MSANTD2: variants seen among roughly 807,000 people sequenced by gnomAD.
MSANTD2 encodes Myb/SANT DNA binding domain containing 2.
Under a neutral mutation model 52.6 loss-of-function variants are expected in MSANTD2, and 19 were observed. The observed-to-expected ratio is 0.36, with a 90% CI of 0.25 to 0.53. The LOEUF is 0.53. MSANTD2 is among the 20% of genes least tolerant of loss of function. MSANTD2 has a pLI of 0.91. For missense variants in MSANTD2, 558 were observed against 716.3 expected (o/e 0.78, Z 2.52); for synonymous variants, 291 against 289.7 (o/e 1.00, Z -0.04).
intron 3 of MSANTD2, among the ~76,000 whole-genome samples, chr11:124,769,506 A>C (rs752916163): frequency 1.3e-5 from 2 of 152,208 alleles, no homozygotes; most frequent in Non-Finnish European, 2.9e-5. Flanking sequence ...GATGCTTTAA[A>C]GGAAAATTAT....
chr11:124,768,007 A>T lies in MSANTD2; in HGVS notation c.849T>A (p.Asn283Lys), dbSNP rs1206784276. The T allele has an allele frequency of 6.2e-7, 1 of 1,604,940 alleles. No individual in the cohort carries two copies. Among genetic ancestry groups the T allele is most frequent in the East Asian group, 2.2e-5 (1 of 44,692 alleles). ...GTACCGATTCCAAAATCTGTACAAT[A>T]TTCTGCATGATGTCTCTCTTCCTGG... ...EEAQKRDIMQ[N>K]IVQILESVQL... The change falls in exon 4 of 4, where the codon AAT becomes AAA. Residue 283 changes from asparagine to lysine, a missense_variant. This residue lies in a region of MSANTD2 where 408 missense variants were observed against 573.6 expected (regional missense o/e 0.71). Coordinates refer to ENST00000374979, the MANE Select transcript of MSANTD2 (RefSeq NM_001308027.2).
At position 124,800,386 on chromosome 11, in the gene MSANTD2, A is replaced by G. The variant is rs558723161; in HGVS notation, c.-6T>C. 2.0e-6 allele frequency: 3 copies of G among 1,504,230 alleles called. No homozygotes were observed. In the South Asian group the frequency reaches 3.9e-5, roughly 20 times the overall value. The allele number at this position is 1,504,230 out of a possible 1,614,324, so 93.2% of individuals were successfully genotyped here. A position where few individuals can be genotyped will look rare whatever the true frequency, so the allele number is the denominator to read the frequency against. ...GAGCCACAGGGCGCAGCCATCTTCC[A>G]AGCGGCCGCCGCTGCACCGCCCGGA... is the stretch of plus-strand genomic sequence containing the variant. On this transcript the variant is annotated 5_prime_UTR_variant, in exon 1 of 4. Coordinates refer to ENST00000374979, the MANE Select transcript of MSANTD2 (RefSeq NM_001308027.2). The surrounding 1 kb of genome is among the most constrained non-coding windows in gnomAD (Gnocchi z 4.3).
At chr11:124,769,522 A>C (rs1944424134) in intron 3 of MSANTD2, among the ~76,000 whole-genome samples, 1 of 152,216 alleles carries the variant, frequency 6.6e-6, no homozygotes, top group African/African-American at 2.4e-5. Context: ...ATTATCTTTC[A>C]TAGCTACCAT....
intron 3 of MSANTD2, among the ~76,000 whole-genome samples, chr11:124,771,040 G>T (rs1234319799): frequency 1.3e-5 from 2 of 151,998 alleles, no homozygotes; most frequent in African/African-American, 4.8e-5. Flanking sequence ...CCTAATTTTT[G>T]TATTTTTAGT....
In MSANTD2 at chr11:124,800,261, G is replaced by A. The variant is rs550843206; in HGVS notation, c.120C>T (p.Asp40=). The A allele has an allele frequency of 1.0e-4, 159 of 1,566,352 alleles. 5 individuals carry two copies. In the South Asian group the frequency reaches 1.6e-3, roughly 16 times the overall value. The change falls in exon 1 of 4, where the codon GAC becomes GAT. Residue 40 remains aspartate, a synonymous_variant. Transcript: ENST00000374979. The surrounding 1 kb of genome is among the most constrained non-coding windows in gnomAD (Gnocchi z 4.3). ...GLSDGNPSLS[D]PSTPRGASPL... The stretch of plus-strand genomic sequence containing the variant: ...GGGAGGCACCCCGAGGCGTGGAAGG[G>A]TCGGACAGCGATGGATTTCCGTCGC...
intron 1 of MSANTD2, chr11:124,790,639 A>T (rs1015472304): frequency 1.3e-5 from 2 of 152,200 alleles, no homozygotes; most frequent in African/African-American, 4.8e-5. Flanking sequence ...TACTCTTTTG[A>T]TTCTCCATAT....
At chr11:124,793,992 C>T (rs547772086) in intron 1 of MSANTD2, among the ~76,000 whole-genome samples, 2 of 152,104 alleles carry the variant, frequency 1.3e-5, no homozygotes, top group African/African-American at 4.8e-5. Flanking sequence ...CTCACATATG[C>T]CTATTTATAA....
At chr11:124,787,717 T>A (rs937804813) in intron 1 of MSANTD2, among the ~76,000 whole-genome samples, 4 of 152,224 alleles carry the variant, frequency 2.6e-5, no homozygotes, top group African/African-American at 9.6e-5. Context: ...AAAATAAACA[T>A]CTTTTTGCTC....
intron 1 of MSANTD2, among the ~76,000 whole-genome samples, chr11:124,783,207 G>C (rs1313962655): frequency 6.6e-6 from 1 of 152,144 alleles, no homozygotes; most frequent in Non-Finnish European, 1.5e-5. Context: ...GAACTGTCCA[G>C]GACTGAATCC....
In MSANTD2 at chr11:124,784,226, C is replaced by T. The variant is rs902928598; in HGVS notation, c.511-9252G>A. The T allele has an allele frequency of 4.7e-5, 46 of 985,216 alleles. No individual in the cohort carries two copies. The Admixed American group carries it at 8.6e-4, about 18-fold the overall frequency. 61.0% of individuals were successfully genotyped at this position (985,216 alleles called of 1,614,324 possible). ...GAGGCTATTTTCATTTGACCTCCTA[C>T]ATCACCTCTGAAGTTGCTAAGTCAG... On this transcript the variant is annotated intron_variant, in intron 1 of 3. Transcript: ENST00000374979.
At position 124,767,871 on chromosome 11, in the gene MSANTD2, G is replaced by A. The variant is rs186387267; in HGVS notation, c.985C>T (p.Arg329Cys). Residue 329 changes from arginine (R) to cysteine (C), a missense_variant, in exon 4 of 4, where the codon CGT (arginine) becomes TGT (cysteine). Physicochemically the swap from Arg to Cys is radical, Grantham distance 180. Transcript: ENST00000374979. This position sits in a 1 kb window ranked among gnomAD's most constrained non-coding sequence, Gnocchi z 6.5. ...GAGCTGATCTCAGCATAATGGTAAC[G>A]GATATCCTCTTTCCAACGGGTGTTA... ...GYNTRWKEDI[R>C]YHYAEISSQV... 42 of 1,614,214 alleles carry A rather than the reference G, an allele frequency of 2.6e-5. No homozygotes were observed. Among genetic ancestry groups the A allele is most frequent in the Admixed American group, 8.3e-5 (5 of 60,024 alleles).
chr11:124,791,516 G>T, intron 1 of MSANTD2: 1 of 1,111,558 alleles, frequency 9.0e-7, no homozygotes, highest in South Asian at 1.3e-5. Context: ...GTTGGAGAAG[G>T]GATAAATGAA....
chr11:124,774,875 C>T lies in MSANTD2; in HGVS notation c.610G>A (p.Gly204Arg), dbSNP rs1944681364. Residue 204 changes from glycine (G) to arginine (R), a missense_variant, in exon 2 of 4, where the codon GGA becomes AGA. Physicochemically the swap from Gly to Arg is moderately radical, Grantham distance 125. This residue lies in a region of MSANTD2 where 408 missense variants were observed against 573.6 expected (regional missense o/e 0.71). Coordinates refer to ENST00000374979, the MANE Select transcript of MSANTD2 (RefSeq NM_001308027.2). This position sits in a 1 kb window ranked among gnomAD's most constrained non-coding sequence, Gnocchi z 5.1. Reference sequence around the variant, plus strand: ...GGCTGGCAGGGCTGAGCATCCCATCCTCCCTGACCAAACACCTGTTCCAAC... The same window carrying T: ...GGCTGGCAGGGCTGAGCATCCCATCTTCCCTGACCAAACACCTGTTCCAAC... The part of the protein sequence containing the change: ...EQLEQVFGQG[G>R]WDAQPCQPVL... 6.2e-7 allele frequency: 1 copy of T among 1,613,518 alleles called. No individual in the cohort carries two copies. Among genetic ancestry groups the T allele is most frequent in the Non-Finnish European group, 8.5e-7 (1 of 1,179,998 alleles).
rs1272952992 is a variant in MSANTD2, at chr11:124,800,114, G to C, written c.267C>G (p.Gly89=). The change falls in exon 1 of 4, where the codon GGC becomes GGG. Residue 89 remains glycine, a synonymous_variant. Transcript: ENST00000374979. The surrounding 1 kb of genome is among the most constrained non-coding windows in gnomAD (Gnocchi z 4.3). ...CGGCGGCGGCGGCTGCCGCAGCCCC[G>C]CCACCGCCGCCACCAGGGGAGAAGG... is the stretch of plus-strand genomic sequence containing the variant. The part of the protein sequence containing the change: ...SVSFSPGGGG[G]GAAAAAAAAC... The C allele has an allele frequency of 1.3e-6, 2 of 1,481,892 alleles. No homozygotes were observed. Among genetic ancestry groups the C allele is most frequent in the South Asian group, 1.3e-5 (1 of 77,914 alleles). The allele number at this position is 1,481,892 out of a possible 1,614,324, so 91.8% of individuals were successfully genotyped here.
chr11:124,775,050 C>G, intron 1 of MSANTD2, 76 bp from the exon 2 acceptor site: 1 of 1,344,070 alleles, frequency 7.4e-7, no homozygotes, highest in Non-Finnish European at 1.0e-6. Context: ...ATATTAATTA[C>G]TATTAGACAG....
chr11:124,790,104 G>C (rs1464747024), intron 1 of MSANTD2: 2 of 152,158 alleles, frequency 1.3e-5, no homozygotes, highest in African/African-American at 4.8e-5. Flanking sequence ...CTACGTTAAC[G>C]TAACACTAGG....
chr11:124,784,426 C>T (rs958377598), intron 1 of MSANTD2: 1 of 985,334 alleles, frequency 1.0e-6, no homozygotes, highest in Non-Finnish European at 1.2e-6. Flanking sequence ...AAAGTACTCC[C>T]AAACACCCTC....
Position 124,767,706 on chromosome 11 carries a change from T to TA in MSANTD2, c.1149dup (p.Arg384Ter). The TA allele has an allele frequency of 6.2e-7, 1 of 1,614,260 alleles. No homozygotes were observed. The highest frequency in any genetic ancestry group is 8.5e-7 in the Non-Finnish European group (1 of 1,180,036). Reference sequence around the variant, plus strand: ...ATTTCCATGTGCAGCTCCAAGCACCTAGCTTCGCTAATAGTGATCTCTAAA... The same window carrying TA: ...ATTTCCATGTGCAGCTCCAAGCACCTAAGCTTCGCTAATAGTGATCTCTAAA... On this transcript the variant is annotated frameshift_variant, in exon 4 of 4. Transcript: ENST00000374979. LOFTEE classifies it high-confidence loss of function. The surrounding 1 kb of genome is among the most constrained non-coding windows in gnomAD (Gnocchi z 6.5).
intron 1 of MSANTD2, among the ~76,000 whole-genome samples, chr11:124,782,399 C>A (rs1172617924): frequency 6.6e-6 from 1 of 152,054 alleles, no homozygotes; most frequent in East Asian, 1.9e-4. Context: ...CTGCATTGAG[C>A]CATGATCACG....
Sources: allele counts gnomAD v4.1 joint callset (sites outside exome capture counted in the v4.1 genomes callset), GRCh38; gene constraint gnomAD v4.1.1; regional missense constraint gnomAD v4.1.1; non-coding constraint Gnocchi (gnomAD v3.1); transcripts MANE v1.5; gene names NCBI Gene and HGNC (gene_info 2026-07-23, HGNC 2026-07-21).